Variants in USH2A observed in about 807,000 individuals in gnomAD.
USH2A encodes usherin.
In USH2A, 443 loss-of-function variants were observed where a neutral mutation model predicts 538.9. That is an observed-to-expected ratio of 0.82 (90% CI 0.76 to 0.89). The LOEUF (loss-of-function observed/expected upper bound fraction) is 0.89, where lower values mean the gene tolerates loss of function less well. Among genes scored for constraint, USH2A ranks in the 40% least tolerant of loss-of-function variants. The pLI, the probability that USH2A is intolerant of heterozygous loss-of-function variation, is 0.00. For synonymous variants in USH2A, 2,413 were observed against 2,273.5 expected (o/e 1.06, Z -1.75); for missense variants, 6,633 against 6,324.8 (o/e 1.05, Z -1.65).
intron 21 of USH2A, among the ~76,000 whole-genome samples, chr1:216,112,264 A>AT (rs1340965765): frequency 3.9e-5 from 6 of 152,066 alleles, no homozygotes; most frequent in Non-Finnish European, 7.4e-5. Context: ...TGAAAATTAA[A>AT]TTTTTTTCAG....
chr1:216,388,534 T>C (rs1177882880), intron 3 of USH2A, among the ~76,000 whole-genome samples: 2 of 152,200 alleles, frequency 1.3e-5, no homozygotes, highest in African/African-American at 4.8e-5. Context: ...CATAAGGGAA[T>C]TCCAAGACTC....
In USH2A at chr1:215,980,334, T is replaced by C. The variant is rs550060960; in HGVS notation, c.6806-9558A>G. On this transcript the variant is annotated intron_variant, in intron 35 of 71. Coordinates refer to ENST00000307340, the MANE Select transcript of USH2A (RefSeq NM_206933.4). Reference sequence around the variant, plus strand: ...TGGCCAGTGTTATACAGCTAGGAAGTGGTAGAGCTATGTGTCGGCACTGAA... The same window carrying C: ...TGGCCAGTGTTATACAGCTAGGAAGCGGTAGAGCTATGTGTCGGCACTGAA... Among the ~76,000 whole-genome samples the C allele has an allele frequency of 2.0e-5, 3 of 152,224 alleles. No homozygotes were observed. In the East Asian group the frequency reaches 5.8e-4, roughly 29 times the overall value.
At chr1:215,636,866 G>T (rs544261809) in intron 69 of USH2A, among the ~76,000 whole-genome samples, 6 of 152,084 alleles carry the variant, frequency 3.9e-5, no homozygotes, top group African/African-American at 1.4e-4. Flanking sequence ...ACAATCCTCA[G>T]AGTTCTTCCC....
chr1:215,887,592 C>T (rs928493429), intron 41 of USH2A, among the ~76,000 whole-genome samples: 5 of 152,148 alleles, frequency 3.3e-5, no homozygotes, highest in African/African-American at 1.2e-4. Context: ...TTAAAAATAG[C>T]TTTTAATTTG....
intron 60 of USH2A, among the ~76,000 whole-genome samples, chr1:215,738,031 G>A (rs188819934): frequency 1.3e-5 from 2 of 152,078 alleles, no homozygotes; most frequent in Admixed American, 1.3e-4. Context: ...TAAAGAGAAA[G>A]CTCATGAGAA....
Position 216,000,580 on chromosome 1 carries a change from A to G in USH2A, c.6326-18T>C. 1 of 1,612,968 alleles carries G rather than the reference A, an allele frequency of 6.2e-7. No individual in the cohort carries two copies. The highest frequency in any genetic ancestry group is 8.5e-7 in the Non-Finnish European group (1 of 1,179,176). ...TGCTAAATCTAGGGGATAGGGAGAA[A>G]CAAGAATTTACTCAGCATTATACTT... On this transcript the variant is annotated intron_variant, in intron 32 of 71. Transcript: ENST00000307340.
chr1:216,127,903 G>A (rs2033287769), intron 21 of USH2A, among the ~76,000 whole-genome samples: 1 of 152,116 alleles, frequency 6.6e-6, no homozygotes, highest in Admixed American at 6.6e-5. Flanking sequence ...TTTGCTATCT[G>A]TATTCTAAGT....
At chr1:215,938,041 T>C (rs1466539777) in intron 37 of USH2A, among the ~76,000 whole-genome samples, 6 of 152,128 alleles carry the variant, frequency 3.9e-5, no homozygotes, top group African/African-American at 1.4e-4. Flanking sequence ...ATGGTAATTA[T>C]ATAATTAGTT....
intron 21 of USH2A, among the ~76,000 whole-genome samples, chr1:216,153,924 A>T (rs975183846): frequency 4.6e-5 from 7 of 152,238 alleles, no homozygotes; most frequent in African/African-American, 1.7e-4. Flanking sequence ...TATTTCTTTA[A>T]TTTTTTTCCA....
chr1:215,803,198 A>G (rs2102783060), intron 49 of USH2A, among the ~76,000 whole-genome samples: 1 of 152,288 alleles, frequency 6.6e-6, no homozygotes, highest in Non-Finnish European at 1.5e-5. Context: ...CAAAAACTGG[A>G]AGCATTCCCT....
In USH2A at chr1:216,392,315, G is replaced by A. The variant is rs373211373; in HGVS notation, c.651+26199C>T. On this transcript the variant is annotated intron_variant, in intron 3 of 71. Transcript: ENST00000307340. ...AAATCCCGACCATCCTGACTAACAC[G>A]GTGAAACCCTGTCTCTACTAAAAAT... 2.1e-3 allele frequency among the ~76,000 whole-genome samples: 314 copies of A among 151,884 alleles called. 14 individuals are homozygous for A. In the South Asian group the frequency reaches 0.063, roughly 30 times the overall value.
intron 21 of USH2A, 187 bp downstream of exon 21, chr1:216,175,065 C>T: frequency 2.1e-6 from 3 of 1,430,882 alleles, no homozygotes; most frequent in Middle Eastern, 2.6e-4. Context: ...CTTCACTTAC[C>T]TGACTTTTTT....
chr1:215,896,488 G>A (rs1287871676), intron 40 of USH2A, among the ~76,000 whole-genome samples: 1 of 151,818 alleles, frequency 6.6e-6, no homozygotes, highest in South Asian at 2.1e-4. Context: ...TTTTGGGCTG[G>A]GGAATCCACA....
chr1:216,041,751 T>G (rs564254012), intron 32 of USH2A, among the ~76,000 whole-genome samples: 1 of 152,166 alleles, frequency 6.6e-6, no homozygotes, highest in South Asian at 2.1e-4. Context: ...AGAATGTGAT[T>G]AGATGAATGA....
intron 20 of USH2A, among the ~76,000 whole-genome samples, chr1:216,183,509 G>C (rs1441400228): frequency 6.6e-6 from 1 of 151,576 alleles, no homozygotes; most frequent in Non-Finnish European, 1.5e-5. Context: ...GACAACCTAC[G>C]ACTCACCAAC....
chr1:216,186,780 C>T (rs2034614383), intron 20 of USH2A, among the ~76,000 whole-genome samples: 1 of 151,840 alleles, frequency 6.6e-6, no homozygotes, highest in African/African-American at 2.4e-5. Context: ...CATCTTTCCC[C>T]TTTTATTTAA....
chr1:216,338,563 T>C (rs1421603218), intron 4 of USH2A, among the ~76,000 whole-genome samples: 1 of 151,564 alleles, frequency 6.6e-6, no homozygotes, highest in Non-Finnish European at 1.5e-5. Context: ...TATTCGCCAA[T>C]GTTAAAATTT....
At chr1:215,989,831 A>G (rs1009504387) in intron 35 of USH2A, among the ~76,000 whole-genome samples, 1 of 152,076 alleles carries the variant, frequency 6.6e-6, no homozygotes, top group African/African-American at 2.4e-5. Flanking sequence ...AGATGTAACA[A>G]AAATCCAGGG....
At chr1:215,634,849 C>T in intron 69 of USH2A, 146 bp from the exon 70 acceptor site, 1 of 1,373,982 alleles carries the variant, frequency 7.3e-7, no homozygotes, top group Non-Finnish European at 1.0e-6. Context: ...TTGTGTGCAG[C>T]CTGGGGTAAT....
Sources: allele counts gnomAD v4.1 joint callset (sites outside exome capture counted in the v4.1 genomes callset), GRCh38; gene constraint gnomAD v4.1.1; transcripts MANE v1.5; gene names NCBI Gene and HGNC (gene_info 2026-07-23, HGNC 2026-07-21).